VNN1: variants seen among roughly 807,000 people sequenced by gnomAD.
The protein encoded by VNN1 is vanin 1, also known as pantetheinase.
A neutral mutation model predicts 41.9 loss-of-function variants in VNN1; 29 were observed. That is an observed-to-expected ratio of 0.69 (90% CI 0.52 to 0.94). The LOEUF is 0.94. VNN1 is among the 40% of genes least tolerant of loss of function. The probability of loss-of-function intolerance (pLI) is 0.00; values close to 1 mark genes in which losing one functional copy is unlikely to be tolerated. For synonymous variants in VNN1, 233 were observed against 224.4 expected (o/e 1.04, Z -0.34); for missense variants, 637 against 621.1 (o/e 1.03, Z -0.27).
At chr6:132,693,955 A>G in intron 3 of VNN1, 35 bp downstream of exon 3, 2 of 1,610,586 alleles carry the variant, frequency 1.2e-6, no homozygotes, top group Non-Finnish European at 1.7e-6. Context: ...TTCATTAGGC[A>G]TTAACTAATT....
At chr6:132,704,082 G>C (rs1283958477) in intron 2 of VNN1, among the ~76,000 whole-genome samples, 2 of 152,014 alleles carry the variant, frequency 1.3e-5, no homozygotes, top group East Asian at 3.8e-4. Flanking sequence ...GAGCTAAAGA[G>C]AGAGATAGAT....
chr6:132,698,870 A>T (rs906618282), intron 2 of VNN1: 1 of 217,154 alleles, frequency 4.6e-6, no homozygotes, highest in African/African-American at 2.3e-5. Context: ...TCAGTTAAAG[A>T]TCTGTGGTTT....
rs537749832 is a variant in VNN1, at chr6:132,692,945, G to A, written c.826+79C>T. ...GAAAACATTGTATTAAGGAGTATGCGTTAGCTAGAAAAACATGTTTTTTTT... is the reference window on the plus strand; with the variant it reads ...GAAAACATTGTATTAAGGAGTATGCATTAGCTAGAAAAACATGTTTTTTTT... On this transcript the variant is annotated intron_variant, in intron 4 of 6. Coordinates refer to ENST00000367928, the MANE Select transcript of VNN1 (RefSeq NM_004666.3). 101 of 1,436,786 alleles carry A rather than the reference G, an allele frequency of 7.0e-5. 1 individual carries two copies. The South Asian group carries it at 9.6e-4, about 14-fold the overall frequency. 89.0% of individuals were successfully genotyped at this position (1,436,786 alleles called of 1,614,324 possible).
At position 132,693,014 on chromosome 6, in the gene VNN1, C is replaced by G. The variant is rs772964501; in HGVS notation, c.826+10G>C. On this transcript the variant is annotated intron_variant, in intron 4 of 6. Transcript: ENST00000367928. Reference sequence around the variant, plus strand: ...ACATCAGCCTGCATATCTTTAAGATCACACATTACCTGTCATTTTCTTTGA... The same window carrying G: ...ACATCAGCCTGCATATCTTTAAGATGACACATTACCTGTCATTTTCTTTGA... The G allele has an allele frequency of 6.3e-6, 10 of 1,579,608 alleles. No individual in the cohort carries two copies. Among genetic ancestry groups the G allele is most frequent in the Non-Finnish European group, 8.6e-6 (10 of 1,162,760 alleles).
chr6:132,697,212 A>G (rs1281824499), intron 2 of VNN1, among the ~76,000 whole-genome samples: 4 of 152,174 alleles, frequency 2.6e-5, no homozygotes, highest in Non-Finnish European at 5.9e-5. Context: ...AGAGGCTAAG[A>G]TTTGTTCCAA....
At chr6:132,713,805 G>C in intron 1 of VNN1, 21 bp downstream of exon 1, 1 of 1,611,820 alleles carries the variant, frequency 6.2e-7, no homozygotes, top group Non-Finnish European at 8.5e-7. Context: ...CAGTACACTG[G>C]AGAGATGGTA....
chr6:132,683,385 T>G, intron 6 of VNN1, 63 bp from the exon 7 acceptor site: 1 of 1,500,304 alleles, frequency 6.7e-7, no homozygotes. Context: ...TAAATCACTT[T>G]TAAAATTTAC....
intron 2 of VNN1, among the ~76,000 whole-genome samples, chr6:132,707,772 G>A (rs2114371826): frequency 6.6e-6 from 1 of 152,296 alleles, no homozygotes; most frequent in South Asian, 2.1e-4. Flanking sequence ...CCAGAGGCTG[G>A]GAAGGGTAGT....
rs574171745 is a variant in VNN1, at chr6:132,711,917, T to TG, written c.211-79dup. On this transcript the variant is annotated intron_variant, in intron 1 of 6. Coordinates refer to ENST00000367928, the MANE Select transcript of VNN1 (RefSeq NM_004666.3). ...GCTGAGTGGCTGAGTAACAACTATT[T>TG]GGGCTTCCCCCACACCCCTTAAATC... The TG allele has an allele frequency of 1.3e-3, 1,976 of 1,518,180 alleles. 18 individuals carry two copies. Among genetic ancestry groups the TG allele is most frequent in the Middle Eastern group, 0.013 (72 of 5,710 alleles). 94.0% of individuals were successfully genotyped at this position (1,518,180 alleles called of 1,614,324 possible). A position where few individuals can be genotyped will look rare whatever the true frequency, so the allele number is the denominator to read the frequency against.
At chr6:132,694,789 G>T (rs1340359664) in intron 2 of VNN1, among the ~76,000 whole-genome samples, 1 of 152,042 alleles carries the variant, frequency 6.6e-6, no homozygotes, top group African/African-American at 2.4e-5. Context: ...TTGAACTTGG[G>T]ATTTTGAGGC....
intron 2 of VNN1, chr6:132,699,702 T>A (rs982356572): frequency 2.0e-5 from 3 of 153,802 alleles, no homozygotes; most frequent in African/African-American, 7.2e-5. Flanking sequence ...ATTCTCCATA[T>A]ACAGAAAATT....
At position 132,692,313 on chromosome 6, in the gene VNN1, G is replaced by T; in HGVS notation, c.1098C>A (p.Ser366Arg). The T allele has an allele frequency of 1.2e-6, 2 of 1,614,180 alleles. No homozygotes were observed. The highest frequency in any genetic ancestry group is 1.6e-4 in the Middle Eastern group (1 of 6,062). ...TTGGTATGTTCTCAGACATTTTGTAGCTTAAATGACAGCAGAGATCTTTCT... is the reference window on the plus strand; with the variant it reads ...TTGGTATGTTCTCAGACATTTTGTATCTTAAATGACAGCAGAGATCTTTCT... Reference protein sequence around the residue: ...VCQKDLCCHLSYKMSENIPNE... With the variant: ...VCQKDLCCHLRYKMSENIPNE... Residue 366 changes from serine to arginine, a missense_variant, in exon 5 of 7, where the codon AGC becomes AGA. By Grantham distance (110) the Ser-to-Arg change is moderately radical. Transcript: ENST00000367928.
chr6:132,705,146 G>A (rs1320535073), intron 2 of VNN1, among the ~76,000 whole-genome samples: 1 of 151,896 alleles, frequency 6.6e-6, no homozygotes, highest in Non-Finnish European at 1.5e-5. Context: ...CCAAAAAATA[G>A]AGAAAGGAAT....
chr6:132,698,456 C>T (rs1778403409), intron 2 of VNN1, among the ~76,000 whole-genome samples: 1 of 152,154 alleles, frequency 6.6e-6, no homozygotes, highest in Admixed American at 6.5e-5. Flanking sequence ...ATGTGAGAGA[C>T]ATAGAAATGT....
chr6:132,684,547 G>A (rs1778179956), intron 5 of VNN1, 42 bp from the exon 6 acceptor site: 6 of 1,603,256 alleles, frequency 3.7e-6, no homozygotes, highest in Non-Finnish European at 5.1e-6. Flanking sequence ...AGAAAGTCAT[G>A]TGGGATATGT....
chr6:132,687,400 C>A (rs933233306), intron 5 of VNN1, among the ~76,000 whole-genome samples: 6 of 152,128 alleles, frequency 3.9e-5, no homozygotes, highest in African/African-American at 1.4e-4. Flanking sequence ...GGGCACAAGC[C>A]CAAAACAAGG....
chr6:132,707,852 G>A (rs970792988), intron 2 of VNN1, among the ~76,000 whole-genome samples: 1 of 152,062 alleles, frequency 6.6e-6, no homozygotes, highest in Admixed American at 6.5e-5. Context: ...AATGAATAAG[G>A]TCTAGTATTC....
intron 2 of VNN1, among the ~76,000 whole-genome samples, chr6:132,704,860 T>C (rs931803535): frequency 1.3e-5 from 2 of 151,566 alleles, no homozygotes; most frequent in African/African-American, 4.8e-5. Context: ...TTATAACCAA[T>C]ACTGCAGAAA....
intron 5 of VNN1, among the ~76,000 whole-genome samples, chr6:132,687,620 A>T (rs1778226983): frequency 6.6e-6 from 1 of 152,238 alleles, no homozygotes; most frequent in African/African-American, 2.4e-5. Context: ...CAGAGAACCT[A>T]AAACAAGGAA....
Sources: gnomAD v4.1 joint callset for allele counts (sites outside exome capture counted in the v4.1 genomes callset) on GRCh38, gnomAD v4.1.1 for gene constraint, MANE v1.5 for transcripts, NCBI Gene and HGNC (gene_info 2026-07-23, HGNC 2026-07-21) for gene names.